The following DMGDH variants were observed in gnomAD, a reference collection of about 807,000 sequenced individuals.
The protein encoded by DMGDH is dimethylglycine dehydrogenase.
Under a neutral mutation model 95.2 loss-of-function variants are expected in DMGDH, and 76 were observed. The observed-to-expected ratio is 0.80, with a 90% CI of 0.66 to 0.97. DMGDH has a LOEUF of 0.97. DMGDH is among the 50% of genes least tolerant of loss of function. The pLI is 0.00. For synonymous variants in DMGDH, 345 were observed against 377.6 expected (o/e 0.91, Z 1.00); for missense variants, 987 against 1,055.0 (o/e 0.94, Z 0.89).
intron 7 of DMGDH, among the ~76,000 whole-genome samples, chr5:79,040,816 T>G (rs511535): frequency 0.56 from 85,006 of 151,616 alleles, 24,057 homozygotes; most frequent in East Asian, 0.78. Context: ...AATAGACATT[T>G]CTCCAAAGAA....
rs144860859 is a variant in DMGDH, at chr5:79,028,576, A to C, written c.1889T>G (p.Leu630Arg). 15 of 1,614,026 alleles carry C rather than the reference A, an allele frequency of 9.3e-6. No individual in the cohort carries two copies. The highest frequency in any genetic ancestry group is 1.3e-5 in the Non-Finnish European group (15 of 1,180,028). ...IKNITDELGV[L>R]GVAGPQARKV... is the part of the protein sequence containing the mutation. ...TCTTGCCTGTGGCCCAGCAACTCCA[A>C]GAACTCCAAGCTCATCAGTTATGTT... Residue 630 changes from leucine to arginine, a missense_variant, in exon 12 of 16, where the codon CTT becomes CGT. Transcript: ENST00000255189.
At chr5:79,069,276 T>C (rs1755474177) in intron 1 of DMGDH, among the ~76,000 whole-genome samples, 2 of 152,340 alleles carry the variant, frequency 1.3e-5, no homozygotes, top group Admixed American at 1.3e-4. Flanking sequence ...AGACTGTCTC[T>C]GGTTAGATTC....
chr5:79,008,199 T>C (rs888931100), intron 14 of DMGDH, among the ~76,000 whole-genome samples: 22 of 152,134 alleles, frequency 1.4e-4, no homozygotes, highest in African/African-American at 4.8e-4. Flanking sequence ...GATAGAGGTA[T>C]GGACAGTGGG....
intron 14 of DMGDH, chr5:79,020,865 C>T: frequency 1.0e-6 from 1 of 985,452 alleles, no homozygotes; most frequent in Non-Finnish European, 1.2e-6. Flanking sequence ...CTCTGTGAAT[C>T]TTCGTGGAGG....
At chr5:79,007,601 A>G (rs567549185) in intron 14 of DMGDH, among the ~76,000 whole-genome samples, 23 of 152,324 alleles carry the variant, frequency 1.5e-4, no homozygotes, top group African/African-American at 5.5e-4. Context: ...CTATACTGAA[A>G]AAATTTTATG....
intron 2 of DMGDH, among the ~76,000 whole-genome samples, chr5:79,058,113 G>A (rs1042476044): frequency 3.9e-5 from 6 of 152,102 alleles, no homozygotes; most frequent in Admixed American, 6.6e-5. Context: ...CTCCCTTACC[G>A]CAACAGTATA....
intron 1 of DMGDH, 71 bp from the exon 2 acceptor site, chr5:79,063,858 C>A: frequency 6.7e-7 from 1 of 1,484,014 alleles, no homozygotes; most frequent in Non-Finnish European, 9.4e-7. Flanking sequence ...TAAAGCACTT[C>A]CCCTTACCCG....
intron 3 of DMGDH, among the ~76,000 whole-genome samples, chr5:79,055,103 C>A (rs961624064): frequency 6.6e-6 from 1 of 152,104 alleles, no homozygotes. Context: ...ACAACAAAAA[C>A]AAAAAGCAGT....
Position 78,997,759 on chromosome 5 carries a change from T to C in DMGDH, c.*323A>G. The C allele has an allele frequency of 3.8e-6, 1 of 261,848 alleles. No homozygotes were observed. Among genetic ancestry groups the C allele is most frequent in the Non-Finnish European group, 7.3e-6 (1 of 136,854 alleles). The allele number at this position is 261,848 out of a possible 1,614,324, so 16.2% of individuals were successfully genotyped here. A position where few individuals can be genotyped will look rare whatever the true frequency, so the allele number is the denominator to read the frequency against. ...CCGAATGCATTTGTTACTAAAATTA[T>C]AAAATGTCCCTTAATTAGGTTATAG... On this transcript the variant is annotated 3_prime_UTR_variant, in exon 16 of 16. Coordinates refer to ENST00000255189, the MANE Select transcript of DMGDH (RefSeq NM_013391.3).
At chr5:79,049,976 G>C (rs892690795) in intron 5 of DMGDH, among the ~76,000 whole-genome samples, 7 of 151,974 alleles carry the variant, frequency 4.6e-5, no homozygotes, top group African/African-American at 1.7e-4. Context: ...ATATCAATCG[G>C]CTGGACGCAG....
rs116702331 is a variant in DMGDH, at chr5:79,013,528, A to G, written c.2251-8121T>C. On this transcript the variant is annotated intron_variant, in intron 14 of 15. Transcript: ENST00000255189. ...TCCAAAGCTGCTTCCACATTTTCAGATATCTTTATAGCAATATCCCACTCC... is the reference window on the plus strand; with the variant it reads ...TCCAAAGCTGCTTCCACATTTTCAGGTATCTTTATAGCAATATCCCACTCC... 3.9e-3 allele frequency among the ~76,000 whole-genome samples: 594 copies of G among 152,270 alleles called. 2 individuals carry two copies. The highest frequency in any genetic ancestry group is 6.4e-3 in the Non-Finnish European group (432 of 68,012).
intron 1 of DMGDH, 101 bp downstream of exon 1, chr5:79,069,419 T>G (rs1755481745): frequency 1.8e-6 from 1 of 557,546 alleles, no homozygotes; most frequent in Non-Finnish European, 2.7e-6. Context: ...GGCCTATTTC[T>G]TGGAGGCCAG....
chr5:79,020,934 T>C (rs1753850211), intron 14 of DMGDH: 3 of 985,442 alleles, frequency 3.0e-6, no homozygotes, highest in Non-Finnish European at 3.6e-6. Flanking sequence ...GGAATGCCTA[T>C]GACTCCATCC....
chr5:79,004,789 T>C (rs769986831), intron 15 of DMGDH, among the ~76,000 whole-genome samples: 1 of 152,230 alleles, frequency 6.6e-6, no homozygotes, highest in African/African-American at 2.4e-5. Flanking sequence ...AAGAACCAAA[T>C]GGTTTCCACT....
intron 8 of DMGDH, 120 bp downstream of exon 8, chr5:79,033,119 G>C: frequency 7.9e-7 from 1 of 1,261,884 alleles, no homozygotes; most frequent in Non-Finnish European, 1.1e-6. Flanking sequence ...GGGGCACAAT[G>C]CTTTTTGGAG....
chr5:79,022,876 C>T (rs571636816), intron 14 of DMGDH, among the ~76,000 whole-genome samples: 1 of 152,286 alleles, frequency 6.6e-6, no homozygotes, highest in South Asian at 2.1e-4. Context: ...TTAGCACTTT[C>T]AAGAGTTGGG....
intron 15 of DMGDH, chr5:79,001,219 G>A: frequency 2.9e-6 from 1 of 350,034 alleles, no homozygotes; most frequent in South Asian, 7.6e-5. Context: ...CTGGAGTGCA[G>A]AGGCGCAATC....
Position 79,031,532 on chromosome 5 carries a change from G to A in DMGDH, c.1518-534C>T, listed in dbSNP as rs114886294. Among the ~76,000 whole-genome samples, 1,155 of 152,324 alleles carry A rather than the reference G, an allele frequency of 7.6e-3. 15 individuals carry two copies. The highest frequency in any genetic ancestry group is 0.026 in the African/African-American group (1,092 of 41,556). Reference sequence around the variant, plus strand: ...CCATAGTCTGCATTCTGCCAGGCTCGCAGGAGATGCCTATGCTGTTGGTCC... The same window carrying A: ...CCATAGTCTGCATTCTGCCAGGCTCACAGGAGATGCCTATGCTGTTGGTCC... On this transcript the variant is annotated intron_variant, in intron 9 of 15. Transcript: ENST00000255189.
At chr5:79,020,738 GGAGA>G in intron 14 of DMGDH, 1 of 984,070 alleles carries the variant, frequency 1.0e-6, no homozygotes, top group Non-Finnish European at 1.2e-6. Flanking sequence ...GAGAGGGGAA[GGAGA>G]GAGAAAAAGG....
Sources: allele counts gnomAD v4.1 joint callset (sites outside exome capture counted in the v4.1 genomes callset), GRCh38; gene constraint gnomAD v4.1.1; transcripts MANE v1.5; gene names NCBI Gene and HGNC (gene_info 2026-07-23, HGNC 2026-07-21).